UBR3: variants seen among roughly 807,000 people sequenced by gnomAD.
The protein encoded by UBR3 is E3 ubiquitin-protein ligase UBR3.
UBR3 carries 85 observed loss-of-function variants against 243.2 expected under a neutral mutation model. The observed-to-expected ratio is 0.35, with a 90% CI of 0.29 to 0.42. The LOEUF (loss-of-function observed/expected upper bound fraction) is 0.42. UBR3 is among the 10% of genes least tolerant of loss of function. UBR3 has a pLI of 1.00. For synonymous variants in UBR3, 748 were observed against 799.8 expected (o/e 0.94, Z 1.09); for missense variants, 1,686 against 2,300.8 (o/e 0.73, Z 5.47).
intron 3 of UBR3, among the ~76,000 whole-genome samples, chr2:169,876,882 A>AGTTT (rs2083639407): frequency 6.6e-6 from 1 of 151,990 alleles, no homozygotes; most frequent in African/African-American, 2.4e-5. Context: ...CTTTCTTTAA[A>AGTTT]CGCAAGGCTG....
At chr2:169,931,609 A>C (rs1415483280) in intron 18 of UBR3, among the ~76,000 whole-genome samples, 1 of 152,106 alleles carries the variant, frequency 6.6e-6, no homozygotes, top group African/African-American at 2.4e-5. Flanking sequence ...GCTAGAGAGA[A>C]TGAGAGAAAA....
rs561547192 is a variant in UBR3, at chr2:170,043,506, A to G, written c.4660+2521A>G. 2.0e-5 allele frequency among the ~76,000 whole-genome samples: 3 copies of G among 151,682 alleles called. No individual in the cohort carries two copies. In the East Asian group the frequency reaches 5.8e-4, roughly 29 times the overall value. ...TTAGTAATGGTTAAATAAATAGAAT[A>G]AATTCAGGAAATCATCAATGTAAAA... On this transcript the variant is annotated intron_variant, in intron 32 of 38. Transcript: ENST00000272793.
At chr2:169,988,915 C>T (rs2089153147) in intron 25 of UBR3, among the ~76,000 whole-genome samples, 1 of 152,164 alleles carries the variant, frequency 6.6e-6, no homozygotes, top group South Asian at 2.1e-4. Context: ...GCCTTATCCA[C>T]CCATTGATAC....
intron 30 of UBR3, among the ~76,000 whole-genome samples, chr2:170,024,660 G>T (rs1340268766): frequency 6.6e-6 from 1 of 152,120 alleles, no homozygotes; most frequent in African/African-American, 2.4e-5. Flanking sequence ...GTTGATAAAG[G>T]TAGAGGGATT....
intron 31 of UBR3, among the ~76,000 whole-genome samples, chr2:170,032,018 A>C (rs2090685818): frequency 6.6e-6 from 1 of 151,978 alleles, no homozygotes; most frequent in Non-Finnish European, 1.5e-5. Context: ...AGAACGATTT[A>C]TTTTCTTTTG....
intron 11 of UBR3, among the ~76,000 whole-genome samples, chr2:169,922,516 T>C (rs2085742793): frequency 6.6e-6 from 1 of 152,186 alleles, no homozygotes; most frequent in Non-Finnish European, 1.5e-5. Flanking sequence ...AGTAGTGTTA[T>C]GTGTATTTGT....
chr2:169,902,187 A>G (rs1247265485), intron 8 of UBR3, among the ~76,000 whole-genome samples: 1 of 152,192 alleles, frequency 6.6e-6, no homozygotes, highest in African/African-American at 2.4e-5. Flanking sequence ...AGCACACATT[A>G]CCAACTCTGT....
At chr2:169,890,571 ATATATATATG>A (rs2084323698) in intron 5 of UBR3, among the ~76,000 whole-genome samples, 26 of 104,856 alleles carry the variant, frequency 2.5e-4, no homozygotes, top group South Asian at 6.3e-4. Flanking sequence ...ATATGTGTAT[ATATATATATG>A]TATATATATA....
At chr2:169,856,665 C>T (rs576209718) in intron 1 of UBR3, among the ~76,000 whole-genome samples, 1 of 152,312 alleles carries the variant, frequency 6.6e-6, no homozygotes, top group Non-Finnish European at 1.5e-5. Flanking sequence ...ACCCCGTCTC[C>T]ACCAAAAAAT....
At chr2:169,836,056 TA>T (rs2082093037) in intron 1 of UBR3, among the ~76,000 whole-genome samples, 1 of 55,878 alleles carries the variant, frequency 1.8e-5, no homozygotes, top group Non-Finnish European at 4.2e-5. Context: ...TATATATATA[TA>T]TATATATATA....
At chr2:169,929,577 CA>C (rs971642462) in intron 18 of UBR3, among the ~76,000 whole-genome samples, 41 of 143,020 alleles carry the variant, frequency 2.9e-4, no homozygotes, top group Non-Finnish European at 4.0e-4. Context: ...AACTCCATCT[CA>C]AAAAAAAAAA....
At chr2:169,942,195 T>G (rs146161192) in intron 19 of UBR3, among the ~76,000 whole-genome samples, 1 of 152,190 alleles carries the variant, frequency 6.6e-6, no homozygotes, top group African/African-American at 2.4e-5. Flanking sequence ...AGCTGGAAAT[T>G]TCCTTGCTGA....
intron 27 of UBR3, among the ~76,000 whole-genome samples, chr2:170,006,445 A>C (rs1293331665): frequency 6.6e-6 from 1 of 152,204 alleles, no homozygotes; most frequent in Non-Finnish European, 1.5e-5. Context: ...TAGTCAAAGT[A>C]CTTGAGATGC....
rs150340898 is a variant in UBR3 at position 170,011,326 on chromosome 2, T to A, written c.4367+2386T>A. Among the ~76,000 whole-genome samples, 1,477 of 152,280 alleles carry A rather than the reference T, an allele frequency of 9.7e-3. 8 individuals are homozygous for A. Among genetic ancestry groups the A allele is most frequent in the Non-Finnish European group, 0.015 (1,045 of 68,010 alleles). Reference sequence around the variant, plus strand: ...ATATAACTTATTTATGCATAACATATAACATTCCTAAAAGGTGAACATTAA... The same window carrying A: ...ATATAACTTATTTATGCATAACATAAAACATTCCTAAAAGGTGAACATTAA... On this transcript the variant is annotated intron_variant, in intron 29 of 38. Transcript: ENST00000272793.
chr2:169,843,349 G>A (rs981882513), intron 1 of UBR3, among the ~76,000 whole-genome samples: 5 of 152,208 alleles, frequency 3.3e-5, no homozygotes, highest in African/African-American at 1.2e-4. Flanking sequence ...GGTGAAAAGA[G>A]CAAAAGGGGC....
intron 24 of UBR3, among the ~76,000 whole-genome samples, chr2:169,959,044 T>C (rs1220018907): frequency 6.6e-6 from 1 of 152,190 alleles, no homozygotes; most frequent in Non-Finnish European, 1.5e-5. Context: ...TAAATCTCAG[T>C]GTCAGTCTTT....
intron 30 of UBR3, among the ~76,000 whole-genome samples, chr2:170,015,840 A>G (rs1037190700): frequency 1.3e-5 from 2 of 152,006 alleles, no homozygotes; most frequent in South Asian, 4.2e-4. Context: ...ATAAAATGAG[A>G]ATAATTCTTC....
intron 5 of UBR3, among the ~76,000 whole-genome samples, chr2:169,882,367 GTAAATAT>G (rs1559054902): frequency 9.2e-5 from 5 of 54,056 alleles, no homozygotes; most frequent in South Asian, 8.6e-4. Flanking sequence ...TATTATATAT[GTAAATAT>G]ATATTATATA....
intron 8 of UBR3, among the ~76,000 whole-genome samples, chr2:169,903,232 G>GT (rs1559077337): frequency 2.0e-5 from 3 of 152,062 alleles, no homozygotes; most frequent in African/African-American, 4.8e-5. Flanking sequence ...ATTCCAAGGC[G>GT]TTTTTTACAA....
Sources: allele counts gnomAD v4.1 joint callset (sites outside exome capture counted in the v4.1 genomes callset), GRCh38; gene constraint gnomAD v4.1.1; transcripts MANE v1.5; gene names NCBI Gene and HGNC (gene_info 2026-07-23, HGNC 2026-07-21).